Variants in N4BP2 observed in about 807,000 individuals in gnomAD.
The protein encoded by N4BP2 is NEDD4-binding protein 2.
A neutral mutation model predicts 152.8 loss-of-function variants in N4BP2; 91 were observed. That is an observed-to-expected ratio of 0.60 (90% CI 0.50 to 0.71). The LOEUF (loss-of-function observed/expected upper bound fraction) is 0.71. Ranked by LOEUF, N4BP2 falls within the 30% of genes least tolerant of loss-of-function variation. N4BP2 has a pLI of 0.00. For missense variants in N4BP2, 1,923 were observed against 2,059.1 expected (o/e 0.93, Z 1.28); for synonymous variants, 646 against 705.3 (o/e 0.92, Z 1.33).
chr4:40,104,262 T>C (rs75297598), intron 4 of N4BP2, among the ~76,000 whole-genome samples: 1 of 145,704 alleles, frequency 6.9e-6, no homozygotes, highest in Non-Finnish European at 1.5e-5. Context: ...TGCTAGTTCT[T>C]TTTTTTTTTT....
At chr4:40,098,114 C>T (rs1229914750) in intron 3 of N4BP2, among the ~76,000 whole-genome samples, 1 of 152,132 alleles carries the variant, frequency 6.6e-6, no homozygotes, top group Non-Finnish European at 1.5e-5. Flanking sequence ...ATCTTCAGCC[C>T]GTAACATAGC....
chr4:40,153,008 A>C, intron 17 of N4BP2, 105 bp downstream of exon 17: 1 of 1,077,336 alleles, frequency 9.3e-7, no homozygotes, highest in Non-Finnish European at 1.4e-6. Context: ...CAATAGCCCT[A>C]ATATAGCTAG....
chr4:40,082,929 T>G (rs1713543151), intron 2 of N4BP2: 1 of 173,212 alleles, frequency 5.8e-6, no homozygotes, highest in Non-Finnish European at 1.3e-5. Flanking sequence ...CTCGATCTCC[T>G]GACCTCGTGA....
chr4:40,172,226 C>A, the N4BP2 span, among the ~76,000 whole-genome samples: 1 of 152,118 alleles, frequency 6.6e-6, no homozygotes, highest in Non-Finnish European at 1.5e-5. Context: ...ACAATCTAGT[C>A]TTTTCATGTT....
Position 40,121,742 on chromosome 4 carries a change from C to G in N4BP2, c.3631C>G (p.Pro1211Ala). The part of the protein sequence containing the change: ...SEQAEMRAVT[P>A]ENHESMTSIF... ...GCAGGCGGAAATGAGAGCTGTCACT[C>G]CTGAAAACCATGAATCGATGACAAG... Residue 1211 changes from proline to alanine, a missense_variant, in exon 9 of 18, where the codon CCT becomes GCT. Transcript: ENST00000261435. 2 of 1,613,952 alleles carry G rather than the reference C, an allele frequency of 1.2e-6. No individual in the cohort carries two copies. Among genetic ancestry groups the G allele is most frequent in the Non-Finnish European group, 8.5e-7 (1 of 1,179,966 alleles).
intron 2 of N4BP2, among the ~76,000 whole-genome samples, chr4:40,092,527 T>A (rs1714706163): frequency 6.6e-6 from 1 of 152,142 alleles, no homozygotes; most frequent in Admixed American, 6.6e-5. Context: ...CTTTTTTCTT[T>A]GTCAGTCTTG....
intron 1 of N4BP2, among the ~76,000 whole-genome samples, chr4:40,069,712 A>C (rs1249539462): frequency 6.6e-6 from 1 of 152,222 alleles, no homozygotes; most frequent in Non-Finnish European, 1.5e-5. Flanking sequence ...GTTGGAGACC[A>C]GTGTGGGCAG....
chr4:40,152,810 T>G lies in N4BP2; in HGVS notation c.5174T>G (p.Leu1725Trp). ...AAGCAGAACGGTGGGAAGCCCTATT[T>G]GTCTGTGATTACGGGGAGAGGAAAC... ...EFKQNGGKPY[L>W]SVITGRGNHS... Residue 1725 changes from leucine (L) to tryptophan (W), a missense_variant, in exon 17 of 18, where the codon TTG becomes TGG. Physicochemically the swap from Leu to Trp is moderately conservative, Grantham distance 61. Coordinates refer to ENST00000261435, the MANE Select transcript of N4BP2 (RefSeq NM_018177.6). 6.2e-7 allele frequency: 1 copy of G among 1,614,098 alleles called. No individual in the cohort carries two copies. The highest frequency in any genetic ancestry group is 8.5e-7 in the Non-Finnish European group (1 of 1,179,976).
chr4:40,169,769 A>C, the N4BP2 span, among the ~76,000 whole-genome samples: 3 of 151,702 alleles, frequency 2.0e-5, no homozygotes, highest in Non-Finnish European at 1.5e-5. Context: ...GTTCGAGACC[A>C]GCGTGACCAA....
intron 16 of N4BP2, among the ~76,000 whole-genome samples, chr4:40,149,676 C>T (rs1027000417): frequency 3.9e-5 from 6 of 152,024 alleles, no homozygotes; most frequent in East Asian, 1.9e-4. Flanking sequence ...TGGCGGATCA[C>T]GAGGTCAGGA....
At chr4:40,134,079 G>A (rs1205352385) in intron 13 of N4BP2, among the ~76,000 whole-genome samples, 1 of 152,166 alleles carries the variant, frequency 6.6e-6, no homozygotes, top group Non-Finnish European at 1.5e-5. Flanking sequence ...AAAGTTCTGG[G>A]ATTACAGGTG....
At position 40,087,594 on chromosome 4, in the gene N4BP2, C is replaced by T. The variant is rs903099808; in HGVS notation, c.-114-9633C>T. Among the ~76,000 whole-genome samples, 6 of 151,742 alleles carry T rather than the reference C, an allele frequency of 4.0e-5. No individual in the cohort carries two copies. The East Asian group carries it at 9.7e-4, about 25-fold the overall frequency. On this transcript the variant is annotated intron_variant, in intron 2 of 17. Transcript: ENST00000261435. ...TGCGTAGGCTGGTCTTGAACTCTGGCCTCAAATGATCTGCCCACCTTGGCC... is the reference window on the plus strand; with the variant it reads ...TGCGTAGGCTGGTCTTGAACTCTGGTCTCAAATGATCTGCCCACCTTGGCC...
chr4:40,188,269 C>G, the N4BP2 span, among the ~76,000 whole-genome samples: 1 of 151,946 alleles, frequency 6.6e-6, no homozygotes, highest in African/African-American at 2.4e-5. Flanking sequence ...AGTCAACCGG[C>G]TACCATCATA....
intron 2 of N4BP2, among the ~76,000 whole-genome samples, chr4:40,087,080 T>A (rs1194986902): frequency 1.3e-5 from 2 of 152,152 alleles, no homozygotes; most frequent in African/African-American, 2.4e-5. Flanking sequence ...ATTTCTAGTA[T>A]AATTCCATGT....
intron 2 of N4BP2, among the ~76,000 whole-genome samples, chr4:40,087,422 G>C (rs930776021): frequency 1.3e-5 from 2 of 152,002 alleles, no homozygotes; most frequent in Admixed American, 1.3e-4. Context: ...GGAGAGCAGT[G>C]GCTTGATCTT....
intron 4 of N4BP2, among the ~76,000 whole-genome samples, chr4:40,106,363 C>T (rs568672610): frequency 1.3e-5 from 2 of 152,072 alleles, no homozygotes; most frequent in South Asian, 4.2e-4. Context: ...CTTATTCTGA[C>T]TCCAGTGCAG....
intron 12 of N4BP2, among the ~76,000 whole-genome samples, chr4:40,127,645 C>T (rs1304297541): frequency 6.6e-6 from 1 of 151,820 alleles, no homozygotes; most frequent in Non-Finnish European, 1.5e-5. Context: ...TTAAAGATGT[C>T]TATCTCTGAG....
intron 1 of N4BP2, among the ~76,000 whole-genome samples, chr4:40,059,814 T>C (rs954235916): frequency 6.6e-6 from 1 of 152,168 alleles, no homozygotes; most frequent in Non-Finnish European, 1.5e-5. Flanking sequence ...GCACTTTGCA[T>C]ATGTGATTGT....
intron 1 of N4BP2, among the ~76,000 whole-genome samples, chr4:40,070,923 C>G (rs1472979118): frequency 6.6e-6 from 1 of 151,376 alleles, no homozygotes; most frequent in Non-Finnish European, 1.5e-5. Context: ...CTCCTGAGTT[C>G]ATGCAGTTCT....
Sources: allele counts gnomAD v4.1 joint callset (sites outside exome capture counted in the v4.1 genomes callset), GRCh38; gene constraint gnomAD v4.1.1; transcripts MANE v1.5; gene names NCBI Gene and HGNC (gene_info 2026-07-23, HGNC 2026-07-21).